RNF111: variants seen among roughly 807,000 people sequenced by gnomAD.
RNF111 encodes the protein ring finger protein 111.
RNF111 carries 17 observed loss-of-function variants against 95.1 expected under a neutral mutation model. The ratio of observed to expected loss-of-function variants is 0.18; its 90% CI spans 0.12 to 0.27. RNF111 has a LOEUF of 0.27. RNF111 is among the 10% of genes least tolerant of loss of function. The pLI is 1.00. For synonymous variants in RNF111, 440 were observed against 414.8 expected, an observed-to-expected ratio of 1.06 and a Z score of -0.74; for missense variants, 1,189 against 1,210.4, an observed-to-expected ratio of 0.98 and a Z score of 0.26.
chr15:59,027,724 C>G (rs1567223693), intron 1 of RNF111, among the ~76,000 whole-genome samples: 2 of 148,028 alleles, frequency 1.4e-5, no homozygotes, highest in East Asian at 4.0e-4. Flanking sequence ...GACAGGGTTT[C>G]TTTTCACCAT....
intron 13 of RNF111, chr15:59,093,265 G>C (rs1453742910): frequency 6.1e-6 from 2 of 326,086 alleles, no homozygotes; most frequent in Non-Finnish European, 1.2e-5. Context: ...GGAGGTCCTA[G>C]AAAGTTATAA....
rs1312424809 is a variant in RNF111, at chr15:59,058,546, AG to A, written c.1364del (p.Gly455GlufsTer12). 1 of 1,613,778 alleles carries A rather than the reference AG, an allele frequency of 6.2e-7. No individual in the cohort carries two copies. Among genetic ancestry groups the A allele is most frequent in the South Asian group, 1.1e-5 (1 of 91,074 alleles). ...TSNSTTGTSI[G>X]DDSRRTTSSA... is the part of the protein sequence containing the mutation. ...GCAATAGTACCACTGGCACTTCTAT[AG>A]GAGGTATGTAAAAAAGTGGGGGAGG... On this transcript the variant is annotated frameshift_variant, in exon 5 of 14. Transcript: ENST00000348370. LOFTEE classifies it high-confidence loss of function.
chr15:59,016,732 C>A (rs1321792925), intron 1 of RNF111, among the ~76,000 whole-genome samples: 1 of 152,174 alleles, frequency 6.6e-6, no homozygotes, highest in African/African-American at 2.4e-5. Context: ...CCCTGGGCCA[C>A]GGACTGGTAC....
intron 3 of RNF111, among the ~76,000 whole-genome samples, chr15:59,054,928 C>G (rs187397344): frequency 4.2e-4 from 64 of 152,116 alleles, no homozygotes; most frequent in African/African-American, 1.5e-3. Context: ...TATCCTGGAG[C>G]CTTAGGACTG....
At chr15:59,084,049 G>A in intron 8 of RNF111, 80 bp from the exon 9 acceptor site, 2 of 1,338,550 alleles carry the variant, frequency 1.5e-6, no homozygotes, top group Non-Finnish European at 2.0e-6. Context: ...TTAATACTAG[G>A]GATTTTTTTC....
intron 1 of RNF111, among the ~76,000 whole-genome samples, chr15:58,994,448 A>G (rs917743049): frequency 7.3e-5 from 10 of 137,184 alleles, no homozygotes; most frequent in African/African-American, 2.7e-4. Context: ...TAATGTTGTC[A>G]CTCTTGCTTT....
intron 1 of RNF111, among the ~76,000 whole-genome samples, chr15:58,990,594 A>T (rs1207978940): frequency 1.3e-5 from 2 of 152,204 alleles, no homozygotes; most frequent in Non-Finnish European, 2.9e-5. Context: ...AGGTTGCAGT[A>T]AGCGGAGATC....
intron 1 of RNF111, among the ~76,000 whole-genome samples, chr15:58,995,315 A>G (rs1415371507): frequency 6.6e-6 from 1 of 152,198 alleles, no homozygotes; most frequent in Admixed American, 6.5e-5. Context: ...ACATTCTTTT[A>G]TCTGATTAAT....
intron 1 of RNF111, among the ~76,000 whole-genome samples, chr15:59,014,219 T>C (rs1453197510): frequency 6.6e-6 from 1 of 152,212 alleles, no homozygotes; most frequent in Admixed American, 6.5e-5. Context: ...CCCTATTCTT[T>C]TGTGTGTTTC....
intron 1 of RNF111, among the ~76,000 whole-genome samples, chr15:59,008,834 C>G (rs1385967632): frequency 1.3e-5 from 2 of 152,142 alleles, no homozygotes; most frequent in Non-Finnish European, 2.9e-5. Context: ...CACTATGCAT[C>G]TTTGTCACAG....
chr15:58,995,332 TTG>T (rs1447700364), intron 1 of RNF111, among the ~76,000 whole-genome samples: 2 of 152,254 alleles, frequency 1.3e-5, no homozygotes. Flanking sequence ...TAATACAGAA[TTG>T]TGTGTTTCCT....
chr15:59,051,105 T>G (rs1239900011), intron 2 of RNF111, among the ~76,000 whole-genome samples: 1 of 152,144 alleles, frequency 6.6e-6, no homozygotes, highest in Non-Finnish European at 1.5e-5. Flanking sequence ...ATCTTCTAAA[T>G]AAGGATGCAC....
intron 8 of RNF111, among the ~76,000 whole-genome samples, chr15:59,083,460 T>A (rs1428546644): frequency 1.3e-5 from 2 of 151,594 alleles, no homozygotes; most frequent in African/African-American, 2.4e-5. Flanking sequence ...ATTGCTTGAA[T>A]CTGGGAGGCA....
At chr15:59,006,005 G>T (rs1449062123) in intron 1 of RNF111, among the ~76,000 whole-genome samples, 10 of 152,178 alleles carry the variant, frequency 6.6e-5, no homozygotes, top group Non-Finnish European at 1.5e-4. Context: ...CAAAATTTAG[G>T]AAGTCACTAT....
chr15:59,008,656 T>C (rs1405309192), intron 1 of RNF111, among the ~76,000 whole-genome samples: 2 of 152,218 alleles, frequency 1.3e-5, no homozygotes, highest in African/African-American at 4.8e-5. Flanking sequence ...GTTGATACAA[T>C]TGGATTTAAA....
chr15:59,062,282 A>G (rs915813797), intron 5 of RNF111, among the ~76,000 whole-genome samples: 3 of 152,070 alleles, frequency 2.0e-5, no homozygotes, highest in African/African-American at 7.2e-5. Context: ...GACTCAGGCA[A>G]TTCACTTGCC....
At chr15:58,994,302 G>A (rs2038949485) in intron 1 of RNF111, among the ~76,000 whole-genome samples, 1 of 151,652 alleles carries the variant, frequency 6.6e-6, no homozygotes, top group Non-Finnish European at 1.5e-5. Flanking sequence ...GCCTCCCAAA[G>A]TGCTGGGATT....
At chr15:59,005,759 G>A (rs574639432) in intron 1 of RNF111, among the ~76,000 whole-genome samples, 1 of 152,248 alleles carries the variant, frequency 6.6e-6, no homozygotes, top group Admixed American at 6.5e-5. Flanking sequence ...GTCTTTGCCT[G>A]GACGATTTCT....
At chr15:59,038,902 T>C (rs2041312306) in intron 2 of RNF111, among the ~76,000 whole-genome samples, 1 of 152,202 alleles carries the variant, frequency 6.6e-6, no homozygotes, top group South Asian at 2.1e-4. Flanking sequence ...TTCACTGTTT[T>C]CTGTAATGTT....
Sources: gnomAD v4.1 joint callset for allele counts (sites outside exome capture counted in the v4.1 genomes callset) on GRCh38, gnomAD v4.1.1 for gene constraint, MANE v1.5 for transcripts, NCBI Gene and HGNC (gene_info 2026-07-23, HGNC 2026-07-21) for gene names.